Variants in CABCOCO1 observed in about 807,000 individuals in gnomAD.
CABCOCO1 encodes the protein ciliary-associated calcium-binding coiled-coil protein 1.
In CABCOCO1, 28 loss-of-function variants were observed where a neutral mutation model predicts 35.7. The observed-to-expected ratio is 0.78, with a 90% CI of 0.58 to 1.07. The LOEUF is 1.07. Among genes scored for constraint, CABCOCO1 ranks in the 50% least tolerant of loss-of-function variants. The pLI is 0.00. For synonymous variants in CABCOCO1, 95 were observed against 100.1 expected, an observed-to-expected ratio of 0.95 and a Z score of 0.30; for missense variants, 326 against 309.2, an observed-to-expected ratio of 1.05 and a Z score of -0.41.
chr10:61,696,106 G>A (rs1840288028), intron 5 of CABCOCO1, among the ~76,000 whole-genome samples: 1 of 152,068 alleles, frequency 6.6e-6, no homozygotes. Context: ...GTTTTGTGAG[G>A]TTTAAAATAC....
chr10:61,728,795 T>G (rs1841225007), intron 5 of CABCOCO1, among the ~76,000 whole-genome samples: 1 of 152,264 alleles, frequency 6.6e-6, no homozygotes, highest in Non-Finnish European at 1.5e-5. Context: ...TGTAGGGGAC[T>G]ACTATAGCCA....
intron 5 of CABCOCO1, among the ~76,000 whole-genome samples, chr10:61,732,588 T>C (rs374749848): frequency 6.6e-6 from 1 of 152,064 alleles, no homozygotes; most frequent in East Asian, 1.9e-4. Flanking sequence ...AATGAAAAGT[T>C]TCCTTACTGG....
At chr10:61,714,221 T>G (rs1840803444) in intron 5 of CABCOCO1, among the ~76,000 whole-genome samples, 1 of 152,226 alleles carries the variant, frequency 6.6e-6, no homozygotes, top group Non-Finnish European at 1.5e-5. Flanking sequence ...ATTCAACTTC[T>G]TCCTGGTTTA....
chr10:61,702,784 G>T (rs1840493762), intron 5 of CABCOCO1, among the ~76,000 whole-genome samples: 1 of 152,064 alleles, frequency 6.6e-6, no homozygotes, highest in Non-Finnish European at 1.5e-5. Flanking sequence ...CAAGTGAAGA[G>T]TCAATTAAGA....
rs55784501 is a variant in CABCOCO1 at position 61,710,253 on chromosome 10, A to AGT, written c.552+19673_552+19674dup. On this transcript the variant is annotated intron_variant, in intron 5 of 7. Coordinates refer to ENST00000648843, the MANE Select transcript of CABCOCO1 (RefSeq NM_001366906.2). ...TGCTGAATTAATGTTTGTGTGTGTG[A>AGT]GTGTGTGTGTGTGTGTGTGTGTGTG... Among the ~76,000 whole-genome samples the AGT allele has an allele frequency of 1.3e-3, 197 of 146,662 alleles. 1 individual carries two copies. Among genetic ancestry groups the AGT allele is most frequent in the Middle Eastern group, 6.8e-3 (2 of 294 alleles).
intron 1 of CABCOCO1, among the ~76,000 whole-genome samples, chr10:61,666,712 A>G (rs1044400238): frequency 2.0e-5 from 3 of 151,826 alleles, no homozygotes; most frequent in Non-Finnish European, 2.9e-5. Flanking sequence ...TATATTTGAA[A>G]TGAGGATCTG....
At chr10:61,702,286 A>G (rs1840478544) in intron 5 of CABCOCO1, among the ~76,000 whole-genome samples, 1 of 152,156 alleles carries the variant, frequency 6.6e-6, no homozygotes, top group South Asian at 2.1e-4. Context: ...AGGACTTTCA[A>G]TTTAAACTAT....
At chr10:61,670,650 G>T (rs947060778) in intron 1 of CABCOCO1, among the ~76,000 whole-genome samples, 2 of 152,094 alleles carry the variant, frequency 1.3e-5, no homozygotes, top group Non-Finnish European at 2.9e-5. Flanking sequence ...TTATCTTTTG[G>T]AACTCAATCG....
chr10:61,753,684 A>C (rs1841840154), intron 5 of CABCOCO1, among the ~76,000 whole-genome samples: 1 of 152,142 alleles, frequency 6.6e-6, no homozygotes, highest in South Asian at 2.1e-4. Flanking sequence ...CAGATTTTCT[A>C]ATTGGAAAGT....
At position 61,711,348 on chromosome 10, in the gene CABCOCO1, ATCAGAC is replaced by A. The variant is rs141023854; in HGVS notation, c.552+20732_552+20737del. The stretch of plus-strand genomic sequence containing the variant: ...AAAAAGCAGGATTGGTTTTATAAGT[ATCAGAC>A]TCAGTAGCTGTCAGGGCAAATATGA... On this transcript the variant is annotated intron_variant, in intron 5 of 7. Coordinates refer to ENST00000648843, the MANE Select transcript of CABCOCO1 (RefSeq NM_001366906.2). 6.0e-3 allele frequency among the ~76,000 whole-genome samples: 907 copies of A among 152,140 alleles called. 12 individuals are homozygous for A. Among genetic ancestry groups the A allele is most frequent in the African/African-American group, 0.02 (823 of 41,538 alleles).
chr10:61,668,419 G>A (rs983011925), intron 1 of CABCOCO1, among the ~76,000 whole-genome samples: 1 of 151,908 alleles, frequency 6.6e-6, no homozygotes, highest in Non-Finnish European at 1.5e-5. Context: ...TTTGTTATAT[G>A]ATTAATAAGT....
In CABCOCO1 at chr10:61,682,889, C is replaced by CTTTTT. The variant is rs71018993; in HGVS notation, c.334+1588_334+1592dup. Among the ~76,000 whole-genome samples the CTTTTT allele has an allele frequency of 5.3e-4, 68 of 128,188 alleles. 8 individuals carry two copies. Among genetic ancestry groups the CTTTTT allele is most frequent in the Non-Finnish European group, 5.6e-4 (35 of 62,376 alleles). 84.1% of individuals were successfully genotyped at this position (128,188 alleles called of 152,430 possible). A position where few individuals can be genotyped will look rare whatever the true frequency, so the allele number is the denominator to read the frequency against. On this transcript the variant is annotated intron_variant, in intron 3 of 7. Coordinates refer to ENST00000648843, the MANE Select transcript of CABCOCO1 (RefSeq NM_001366906.2). ...CCAGGAGTTAGTTTCACATGAATTTCTTTTTTTTTTTTTTTAAGACAGATT... is the reference window on the plus strand; with the variant it reads ...CCAGGAGTTAGTTTCACATGAATTTCTTTTTTTTTTTTTTTTTTTTAAGACAGATT...
chr10:61,731,747 G>A (rs1402124318), intron 5 of CABCOCO1, among the ~76,000 whole-genome samples: 1 of 146,542 alleles, frequency 6.8e-6, no homozygotes, highest in African/African-American at 2.5e-5. Flanking sequence ...GAGGGAGGAA[G>A]GGAGGGAGGA....
At chr10:61,695,482 T>C (rs1840270711) in intron 5 of CABCOCO1, among the ~76,000 whole-genome samples, 7 of 151,994 alleles carry the variant, frequency 4.6e-5, no homozygotes, top group Admixed American at 4.6e-4. Context: ...AGGACATAGA[T>C]TTAGGATTTA....
chr10:61,750,944 G>A (rs761523713), intron 5 of CABCOCO1, among the ~76,000 whole-genome samples: 3 of 152,160 alleles, frequency 2.0e-5, no homozygotes, highest in Admixed American at 6.5e-5. Flanking sequence ...ACACAATGGC[G>A]AGAAATCACT....
intron 5 of CABCOCO1, among the ~76,000 whole-genome samples, chr10:61,738,215 T>C (rs1223234482): frequency 6.6e-6 from 1 of 152,098 alleles, no homozygotes; most frequent in Non-Finnish European, 1.5e-5. Context: ...CTGTGTATAA[T>C]TTGCCAGCAT....
intron 5 of CABCOCO1, among the ~76,000 whole-genome samples, chr10:61,747,697 C>T (rs1276860595): frequency 2.0e-5 from 3 of 152,120 alleles, no homozygotes; most frequent in Non-Finnish European, 2.9e-5. Context: ...TTGCCAGAGT[C>T]GATTGATACT....
At chr10:61,731,373 G>A (rs567233585) in intron 5 of CABCOCO1, among the ~76,000 whole-genome samples, 7 of 151,750 alleles carry the variant, frequency 4.6e-5, no homozygotes, top group African/African-American at 1.5e-4. Context: ...TCTTGTTTTC[G>A]TTGGGTTTTG....
chr10:61,756,675 G>A lies in CABCOCO1; in HGVS notation c.553-3384G>A, dbSNP rs533685427. 9.9e-5 allele frequency among the ~76,000 whole-genome samples: 15 copies of A among 152,122 alleles called. No individual in the cohort carries two copies. The East Asian group carries it at 2.7e-3, about 27-fold the overall frequency. ...CAAAATGGATGTATGTGTATAATCA[G>A]AAACTCCTGATTTTTAATCTCAGCA... On this transcript the variant is annotated intron_variant, in intron 5 of 7. Coordinates refer to ENST00000648843, the MANE Select transcript of CABCOCO1 (RefSeq NM_001366906.2).
Sources: allele counts gnomAD v4.1 joint callset (sites outside exome capture counted in the v4.1 genomes callset), GRCh38; gene constraint gnomAD v4.1.1; transcripts MANE v1.5; gene names NCBI Gene and HGNC (gene_info 2026-07-23, HGNC 2026-07-21).